The following GALNT15 variants were observed in gnomAD, a reference collection of about 807,000 sequenced individuals.
GALNT15 encodes the protein polypeptide N-acetylgalactosaminyltransferase 15.
In GALNT15, 67 loss-of-function variants were observed where a neutral mutation model predicts 66.8. That is an observed-to-expected ratio of 1.00 (90% CI 0.82 to 1.23). The LOEUF (loss-of-function observed/expected upper bound fraction) is 1.23. GALNT15 is among the 50% of genes most tolerant of loss of function. The pLI, the probability that GALNT15 is intolerant of heterozygous loss-of-function variation, is 0.00. For missense variants in GALNT15, 827 were observed against 804.3 expected (o/e 1.03, Z -0.34); for synonymous variants, 313 against 311.5 (o/e 1.00, Z -0.05).
the GALNT15 span, among the ~76,000 whole-genome samples, chr3:16,246,270 C>T: frequency 6.6e-6 from 1 of 151,866 alleles, no homozygotes. Flanking sequence ...GGGAACTGTC[C>T]TAAGGGTCAC....
rs1457817455 is a variant in GALNT15, at chr3:16,193,028, A to G, written c.540-2732A>G. On this transcript the variant is annotated intron_variant, in intron 1 of 9. Coordinates refer to ENST00000339732, the MANE Select transcript of GALNT15 (RefSeq NM_054110.5). This position sits in a 1 kb window ranked among gnomAD's most constrained non-coding sequence, Gnocchi z 4.7. ...TTTGCTCATTGTGGATGATTACGTGAGATATTTTCATGATGGGGAGCTAGG... is the reference window on the plus strand; with the variant it reads ...TTTGCTCATTGTGGATGATTACGTGGGATATTTTCATGATGGGGAGCTAGG... Among the ~76,000 whole-genome samples, 1 of 152,184 alleles carries G rather than the reference A, an allele frequency of 6.6e-6. No individual in the cohort carries two copies. The highest frequency in any genetic ancestry group is 1.5e-5 in the Non-Finnish European group (1 of 68,034).
chr3:16,180,726 C>T lies in GALNT15; in HGVS notation c.539+5036C>T, dbSNP rs1164550601. On this transcript the variant is annotated intron_variant, in intron 1 of 9. Coordinates refer to ENST00000339732, the MANE Select transcript of GALNT15 (RefSeq NM_054110.5). The surrounding 1 kb of genome is among the most constrained non-coding windows in gnomAD (Gnocchi z 5.0). ...AAATAGAAAAGAGAGCAGAGAGGAA[C>T]AGGCTCCCTCATGGCCCCGGCAGTT... Among the ~76,000 whole-genome samples, 1 of 152,246 alleles carries T rather than the reference C, an allele frequency of 6.6e-6. No individual in the cohort carries two copies. Among genetic ancestry groups the T allele is most frequent in the Admixed American group, 6.5e-5 (1 of 15,288 alleles).
chr3:16,242,799 A>C, the GALNT15 span, among the ~76,000 whole-genome samples: 12 of 152,142 alleles, frequency 7.9e-5, no homozygotes, highest in African/African-American at 2.9e-4. This position sits in a 1 kb window ranked among gnomAD's most constrained non-coding sequence, Gnocchi z 5.6. Flanking sequence ...AGAAAAGAAA[A>C]GAAAATTCTG....
chr3:16,218,510 A>G (rs2063904385), intron 6 of GALNT15, among the ~76,000 whole-genome samples: 1 of 152,172 alleles, frequency 6.6e-6, no homozygotes, highest in South Asian at 2.1e-4. Flanking sequence ...ATTTGCCTTC[A>G]TCTCCATCCT....
chr3:16,231,959 A>C, downstream of GALNT15: 2 of 1,506,132 alleles, frequency 1.3e-6, no homozygotes, highest in Non-Finnish European at 1.8e-6. The surrounding 1 kb of genome is among the most constrained non-coding windows in gnomAD (Gnocchi z 4.1). Context: ...GCATTGTTTA[A>C]TGTCTTATTT....
rs2063517997 is a variant in GALNT15 at position 16,186,545 on chromosome 3, A to G, written c.540-9215A>G. Among the ~76,000 whole-genome samples the G allele has an allele frequency of 6.6e-6, 1 of 152,252 alleles. No homozygotes were observed. Among genetic ancestry groups the G allele is most frequent in the Non-Finnish European group, 1.5e-5 (1 of 68,040 alleles). On this transcript the variant is annotated intron_variant, in intron 1 of 9. Transcript: ENST00000339732. This position sits in a 1 kb window ranked among gnomAD's most constrained non-coding sequence, Gnocchi z 5.1. ...CAAAATAGGAGCAATCCAAATGTCC[A>G]TCAGCTGATGAATGGACAAACAAAA...
chr3:16,241,636 C>T, the GALNT15 span, among the ~76,000 whole-genome samples: 5 of 152,170 alleles, frequency 3.3e-5, no homozygotes. This position sits in a 1 kb window ranked among gnomAD's most constrained non-coding sequence, Gnocchi z 4.6. Context: ...GCAACCTCTG[C>T]CTCCTGGGTT....
chr3:16,212,313 TCAGGTAGTTG>T (rs1346840524), intron 5 of GALNT15, among the ~76,000 whole-genome samples: 1 of 152,170 alleles, frequency 6.6e-6, no homozygotes, highest in Non-Finnish European at 1.5e-5. Flanking sequence ...GGCAGCATAT[TCAGGTAGTTG>T]CCTGGGGATG....
Position 16,229,064 on chromosome 3 carries a change from T to A in GALNT15, c.*1564T>A. On this transcript the variant is annotated 3_prime_UTR_variant, in exon 10 of 10. Coordinates refer to ENST00000339732, the MANE Select transcript of GALNT15 (RefSeq NM_054110.5). ...TTTTCCCCAGATGGAGTTACCTACC[T>A]TTCCACATGGTCAGCTTAGAAATCT... is the stretch of plus-strand genomic sequence containing the variant. 4 of 985,476 alleles carry A rather than the reference T, an allele frequency of 4.1e-6. No individual in the cohort carries two copies. Among genetic ancestry groups the A allele is most frequent in the Non-Finnish European group, 4.8e-6 (4 of 829,928 alleles). 61.0% of individuals were successfully genotyped at this position (985,476 alleles called of 1,614,324 possible). A position where few individuals can be genotyped will look rare whatever the true frequency, so the allele number is the denominator to read the frequency against.
chr3:16,192,953 AC>A, intron 1 of GALNT15, among the ~76,000 whole-genome samples: 1 of 152,310 alleles, frequency 6.6e-6, no homozygotes, highest in East Asian at 1.9e-4. Flanking sequence ...TCTCTTTAAA[AC>A]TAATATGATA....
rs1024305429 is a variant in GALNT15, at chr3:16,195,573, G to A, written c.540-187G>A. ...AAGGAGCTCTTGAGATCTGAGAATT[G>A]GGAGATAGTAGACAGCACCACTATG... is the stretch of plus-strand genomic sequence containing the variant. On this transcript the variant is annotated intron_variant, in intron 1 of 9. Transcript: ENST00000339732. This position sits in a 1 kb window ranked among gnomAD's most constrained non-coding sequence, Gnocchi z 4.6. Among the ~76,000 whole-genome samples, 10 of 152,166 alleles carry A rather than the reference G, an allele frequency of 6.6e-5. No individual in the cohort carries two copies. Among genetic ancestry groups the A allele is most frequent in the African/African-American group, 1.9e-4 (8 of 41,450 alleles).
chr3:16,221,347 A>G lies in GALNT15; in HGVS notation c.1630-1268A>G, dbSNP rs149150184. 1.7e-3 allele frequency among the ~76,000 whole-genome samples: 261 copies of G among 151,678 alleles called. 1 individual carries two copies. The highest frequency in any genetic ancestry group is 0.014 in the Middle Eastern group (4 of 294). On this transcript the variant is annotated intron_variant, in intron 8 of 9. Coordinates refer to ENST00000339732, the MANE Select transcript of GALNT15 (RefSeq NM_054110.5). ...AAAGCCTTTCCCTATAAACACCTAG[A>G]TAAGATATGCCAGATAAAAAAATAT... is the stretch of plus-strand genomic sequence containing the variant.
In GALNT15 at chr3:16,212,648, C is replaced by T. The variant is rs375198104; in HGVS notation, c.1277C>T (p.Ser426Phe). 10 of 1,613,618 alleles carry T rather than the reference C, an allele frequency of 6.2e-6. No individual in the cohort carries two copies. The highest frequency in any genetic ancestry group is 5.3e-5 in the African/African-American group (4 of 74,866). ...GHIYQNQDSH[S>F]PLDQEATLRN... ...ATCTACCAAAATCAGGATTCCCATT[C>T]CCCCCTCGACCAGGAGGCCACCCTG... The change falls in exon 6 of 10, where the codon TCC becomes TTC. Residue 426 changes from serine (S) to phenylalanine (F), a missense_variant. Coordinates refer to ENST00000339732, the MANE Select transcript of GALNT15 (RefSeq NM_054110.5).
At position 16,203,882 on chromosome 3, in the gene GALNT15, G is replaced by A. The variant is rs1408031599; in HGVS notation, c.911+3059G>A. 2.0e-5 allele frequency among the ~76,000 whole-genome samples: 3 copies of A among 152,144 alleles called. No homozygotes were observed. Among genetic ancestry groups the A allele is most frequent in the Admixed American group, 1.3e-4 (2 of 15,286 alleles). ...GTGTGTGCTTTACTCCCCCAGGGAC[G>A]TCGCCCACGTGCCTCATACAAAGCC... is the stretch of plus-strand genomic sequence containing the variant. On this transcript the variant is annotated intron_variant, in intron 3 of 9. Coordinates refer to ENST00000339732, the MANE Select transcript of GALNT15 (RefSeq NM_054110.5). This position sits in a 1 kb window ranked among gnomAD's most constrained non-coding sequence, Gnocchi z 6.2.
chr3:16,187,075 C>T lies in GALNT15; in HGVS notation c.540-8685C>T, dbSNP rs2063524972. On this transcript the variant is annotated intron_variant, in intron 1 of 9. Coordinates refer to ENST00000339732, the MANE Select transcript of GALNT15 (RefSeq NM_054110.5). The surrounding 1 kb of genome is among the most constrained non-coding windows in gnomAD (Gnocchi z 5.1). ...GGTCAGGAGTTCAAGACCAGCCTGACCAACATGGTGAAACCCCGTCTCTAC... is the reference window on the plus strand; with the variant it reads ...GGTCAGGAGTTCAAGACCAGCCTGATCAACATGGTGAAACCCCGTCTCTAC... Among the ~76,000 whole-genome samples, 1 of 152,026 alleles carries T rather than the reference C, an allele frequency of 6.6e-6. No homozygotes were observed. Among genetic ancestry groups the T allele is most frequent in the Non-Finnish European group, 1.5e-5 (1 of 68,016 alleles).
intron 2 of GALNT15, among the ~76,000 whole-genome samples, chr3:16,198,765 C>T (rs2174511): frequency 0.48 from 67,316 of 140,204 alleles, 21,996 homozygotes; most frequent in East Asian, 0.74. Context: ...GGACATTGTT[C>T]ACCCTGCAGA....
rs2063492014 is a variant in GALNT15 at position 16,183,774 on chromosome 3, G to A, written c.539+8084G>A. ...ACCTGGCAGAAACCTTTCTACTCTGGCCAGGCAAGGGGAGGGAGGGAAGAG... is the reference window on the plus strand; with the variant it reads ...ACCTGGCAGAAACCTTTCTACTCTGACCAGGCAAGGGGAGGGAGGGAAGAG... On this transcript the variant is annotated intron_variant, in intron 1 of 9. Coordinates refer to ENST00000339732, the MANE Select transcript of GALNT15 (RefSeq NM_054110.5). The surrounding 1 kb of genome is among the most constrained non-coding windows in gnomAD (Gnocchi z 5.2). 6.6e-6 allele frequency among the ~76,000 whole-genome samples: 1 copy of A among 152,186 alleles called. No individual in the cohort carries two copies. The highest frequency in any genetic ancestry group is 6.5e-5 in the Admixed American group (1 of 15,282).
At chr3:16,217,270 T>C (rs887823768) in intron 6 of GALNT15, among the ~76,000 whole-genome samples, 13 of 152,222 alleles carry the variant, frequency 8.5e-5, no homozygotes, top group African/African-American at 3.1e-4. Flanking sequence ...GGGTGTCCAT[T>C]CTCTGATTCA....
chr3:16,208,182 T>C (rs778177600), intron 3 of GALNT15, among the ~76,000 whole-genome samples: 3 of 152,236 alleles, frequency 2.0e-5, no homozygotes, highest in Non-Finnish European at 4.4e-5. Flanking sequence ...AAAATACTTC[T>C]AATAGTCACA....
Sources: allele counts gnomAD v4.1 joint callset (sites outside exome capture counted in the v4.1 genomes callset), GRCh38; gene constraint gnomAD v4.1.1; non-coding constraint Gnocchi (gnomAD v3.1); transcripts MANE v1.5; gene names NCBI Gene and HGNC (gene_info 2026-07-23, HGNC 2026-07-21).